The following TRIM71 variants were observed in gnomAD, a reference collection of about 807,000 sequenced individuals.
TRIM71 encodes the protein tripartite motif containing 71, also known as E3 ubiquitin-protein ligase TRIM71.
TRIM71 carries 9 observed loss-of-function variants against 61.2 expected under a neutral mutation model. The ratio of observed to expected loss-of-function variants is 0.15; its 90% confidence interval spans 0.09 to 0.26. The LOEUF (loss-of-function observed/expected upper bound fraction) is 0.26. Ranked by LOEUF, TRIM71 falls within the 10% of genes least tolerant of loss-of-function variation. The pLI is 1.00. For missense variants in TRIM71, 998 were observed against 1,238.7 expected, an observed-to-expected ratio of 0.81 and a Z score of 2.92; for synonymous variants, 645 against 553.2, an observed-to-expected ratio of 1.17 and a Z score of -2.33.
Position 32,890,554 on chromosome 3 carries a change from C to A in TRIM71, c.1350C>A (p.Leu450=). 1 of 1,614,038 alleles carries A rather than the reference C, an allele frequency of 6.2e-7. No homozygotes were observed. The highest frequency in any genetic ancestry group is 8.5e-7 in the Non-Finnish European group (1 of 1,180,034). The change falls in exon 4 of 4, where the codon CTC becomes CTA. Residue 450 remains leucine, a synonymous_variant. Transcript: ENST00000383763. The surrounding 1 kb of genome is among the most constrained non-coding windows in gnomAD (Gnocchi z 6.2). Reference sequence around the variant, plus strand: ...AGGAGCTGAAGACCGTGCGGAGCCTCCTGCAGCCCCAGGAAGACGACCGAG... The same window carrying A: ...AGGAGCTGAAGACCGTGCGGAGCCTACTGCAGCCCCAGGAAGACGACCGAG... The part of the protein sequence containing the change: ...QVQELKTVRS[L]LQPQEDDRVM...
At chr3:32,862,518 ATG>A (rs1407232588) in intron 1 of TRIM71, among the ~76,000 whole-genome samples, 1 of 152,202 alleles carries the variant, frequency 6.6e-6, no homozygotes, top group Non-Finnish European at 1.5e-5. Context: ...ACTGAGTTAC[ATG>A]GCCACCTACA....
At chr3:32,830,400 C>T (rs13089796) in intron 1 of TRIM71, among the ~76,000 whole-genome samples, 36 of 151,980 alleles carry the variant, frequency 2.4e-4, no homozygotes, top group African/African-American at 8.2e-4. Flanking sequence ...ATTACCAGAA[C>T]GATAATTTAG....
In TRIM71 at chr3:32,891,508, C is replaced by T; in HGVS notation, c.2304C>T (p.Asn768=). 3 of 1,613,488 alleles carry T rather than the reference C, an allele frequency of 1.9e-6. No homozygotes were observed. Among genetic ancestry groups the T allele is most frequent in the Non-Finnish European group, 1.7e-6 (2 of 1,179,668 alleles). The stretch of plus-strand genomic sequence containing the variant: ...ACTTGGTGGTCACTGACTTCAACAA[C>T]CACCGGCTCCTGGTTATTCACCCCG... The part of the protein sequence containing the change: ...EGHLVVTDFN[N]HRLLVIHPDC... The change falls in exon 4 of 4, where the codon AAC becomes AAT. Residue 768 remains asparagine, a synonymous_variant. Transcript: ENST00000383763. The surrounding 1 kb of genome is among the most constrained non-coding windows in gnomAD (Gnocchi z 8.2).
rs9844381 is a variant in TRIM71, at chr3:32,836,819, A to T, written c.852+17887A>T. Among the ~76,000 whole-genome samples, 3 of 152,134 alleles carry T rather than the reference A, an allele frequency of 2.0e-5. No homozygotes were observed. The East Asian group carries it at 5.8e-4, about 29-fold the overall frequency. On this transcript the variant is annotated intron_variant, in intron 1 of 3. Transcript: ENST00000383763. ...AGTTGAGTGTTCATGCTTCGTGGCC[A>T]TATACTGGTAGCTATTATACTGGTA... is the stretch of plus-strand genomic sequence containing the variant.
chr3:32,855,983 C>G (rs1362203436), intron 1 of TRIM71, among the ~76,000 whole-genome samples: 2 of 150,610 alleles, frequency 1.3e-5, no homozygotes, highest in Non-Finnish European at 3.0e-5. Flanking sequence ...CTAGTTTTCT[C>G]TAATAGTTTT....
chr3:32,839,509 G>C (rs965143833), intron 1 of TRIM71, among the ~76,000 whole-genome samples: 2 of 152,092 alleles, frequency 1.3e-5, no homozygotes, highest in African/African-American at 4.8e-5. Flanking sequence ...GGATTACAGC[G>C]TGAGCCACAG....
At chr3:32,825,907 A>G (rs750520253) in intron 1 of TRIM71, among the ~76,000 whole-genome samples, 13 of 152,052 alleles carry the variant, frequency 8.5e-5, no homozygotes, top group Non-Finnish European at 1.5e-4. Context: ...GTCTATACTC[A>G]CAAACTGAGT....
chr3:32,864,609 A>G (rs953390287), intron 1 of TRIM71, among the ~76,000 whole-genome samples: 3 of 152,218 alleles, frequency 2.0e-5, no homozygotes, highest in Non-Finnish European at 4.4e-5. Flanking sequence ...GAAAGGCAGG[A>G]TGCAGGATGT....
At chr3:32,852,236 G>A (rs1473184253) in intron 1 of TRIM71, among the ~76,000 whole-genome samples, 1 of 152,142 alleles carries the variant, frequency 6.6e-6, no homozygotes, top group Admixed American at 6.5e-5. Flanking sequence ...CTGGAGCGCC[G>A]GAGGCACATC....
Position 32,818,625 on chromosome 3 carries a change from G to A in TRIM71, c.545G>A (p.Gly182Asp), listed in dbSNP as rs1376708106. The change falls in exon 1 of 4, where the codon GGC becomes GAC. Residue 182 changes from glycine (G) to aspartate (D), a missense_variant. Coordinates refer to ENST00000383763, the MANE Select transcript of TRIM71 (RefSeq NM_001039111.3). ...CCCGCGCCTTCCCGCTCGGCACCCG[G>A]CGGCCCTGCCGCTTCCCCGTCGGCG... The part of the protein sequence containing the change: ...QPPAPSRSAP[G>D]GPAASPSALL... 7.0e-7 allele frequency: 1 copy of A among 1,438,782 alleles called. No homozygotes were observed. The allele number at this position is 1,438,782 out of a possible 1,614,324, so 89.1% of individuals were successfully genotyped here.
At chr3:32,821,241 C>G (rs1326603864) in intron 1 of TRIM71, among the ~76,000 whole-genome samples, 7 of 152,214 alleles carry the variant, frequency 4.6e-5, no homozygotes, top group Non-Finnish European at 1.0e-4. Context: ...CTGCGATACA[C>G]TGAATGCCTA....
intron 2 of TRIM71, among the ~76,000 whole-genome samples, chr3:32,881,077 GC>G (rs1338531352): frequency 6.6e-6 from 1 of 152,032 alleles, no homozygotes. Context: ...GGAGTTCAGT[GC>G]CACGATTTTG....
chr3:32,867,801 G>A (rs1029745078), intron 1 of TRIM71, among the ~76,000 whole-genome samples: 4 of 152,096 alleles, frequency 2.6e-5, no homozygotes, highest in African/African-American at 9.7e-5. Context: ...TTGCACATCA[G>A]TTTTGCTGCC....
chr3:32,871,107 G>A lies in TRIM71; in HGVS notation c.853-2711G>A, dbSNP rs150803486. ...GAAGCTCTTTAGTTTCTGTTGTCAAGTCTCTATTAGGTAGACTTTCTGGGG... is the reference window on the plus strand; with the variant it reads ...GAAGCTCTTTAGTTTCTGTTGTCAAATCTCTATTAGGTAGACTTTCTGGGG... On this transcript the variant is annotated intron_variant, in intron 1 of 3. Transcript: ENST00000383763. 3.9e-3 allele frequency among the ~76,000 whole-genome samples: 596 copies of A among 152,152 alleles called. 4 individuals carry two copies. The highest frequency in any genetic ancestry group is 0.013 in the African/African-American group (552 of 41,514).
chr3:32,876,749 G>A (rs771621264), intron 2 of TRIM71, among the ~76,000 whole-genome samples: 92 of 152,134 alleles, frequency 6.0e-4, no homozygotes, highest in Non-Finnish European at 6.6e-4. Flanking sequence ...AAGCCACCAT[G>A]GGGGAGAAAA....
At chr3:32,883,716 C>T (rs778039754) in intron 2 of TRIM71, among the ~76,000 whole-genome samples, 1 of 152,192 alleles carries the variant, frequency 6.6e-6, no homozygotes, top group Admixed American at 6.5e-5. Context: ...CTACCTAGTG[C>T]TTTGGTAAAC....
Position 32,891,686 on chromosome 3 carries a change from C to T in TRIM71, c.2482C>T (p.Leu828=). 6.2e-7 allele frequency: 1 copy of T among 1,614,106 alleles called. No homozygotes were observed. Among genetic ancestry groups the T allele is most frequent in the Middle Eastern group, 1.6e-4 (1 of 6,062 alleles). The stretch of plus-strand genomic sequence containing the variant: ...GATGTTTGAATCCAACGGCAGCTTC[C>T]TGTGCAAGTTTGGTGCTCAAGGCAG... ...VQMFESNGSF[L]CKFGAQGSGF... Residue 828 remains leucine, a synonymous_variant, in exon 4 of 4, where the codon CTG becomes TTG. Transcript: ENST00000383763. This position sits in a 1 kb window ranked among gnomAD's most constrained non-coding sequence, Gnocchi z 8.2.
rs765755203 is a variant in TRIM71, at chr3:32,896,637, T to G, written c.*4826T>G. 1 of 152,196 alleles carries G rather than the reference T, an allele frequency of 6.6e-6. No homozygotes were observed. The highest frequency in any genetic ancestry group is 1.5e-5 in the Non-Finnish European group (1 of 68,034). 9.4% of individuals were successfully genotyped at this position (152,196 alleles called of 1,614,324 possible). ...GAAGAAATACCTCAATGATGTCTATTTTTAAAACTGATCTTACGGGTTAAC... is the reference window on the plus strand; with the variant it reads ...GAAGAAATACCTCAATGATGTCTATGTTTAAAACTGATCTTACGGGTTAAC... On this transcript the variant is annotated 3_prime_UTR_variant, in exon 4 of 4. Coordinates refer to ENST00000383763, the MANE Select transcript of TRIM71 (RefSeq NM_001039111.3).
intron 2 of TRIM71, among the ~76,000 whole-genome samples, chr3:32,875,385 G>T (rs191101604): frequency 2.0e-5 from 3 of 152,338 alleles, no homozygotes; most frequent in Non-Finnish European, 4.4e-5. Flanking sequence ...AGGTGACAAG[G>T]TTTTAGGAAA....
Sources: gnomAD v4.1 joint callset for allele counts (sites outside exome capture counted in the v4.1 genomes callset) on GRCh38, gnomAD v4.1.1 for gene constraint, Gnocchi (gnomAD v3.1) non-coding constraint, MANE v1.5 for transcripts, NCBI Gene and HGNC (gene_info 2026-07-23, HGNC 2026-07-21) for gene names.